Variants in LAMC1 observed in about 807,000 individuals in gnomAD.
LAMC1 encodes the protein laminin subunit gamma 1.
A neutral mutation model predicts 173.6 loss-of-function variants in LAMC1; 38 were observed. That is an observed-to-expected ratio of 0.22 (90% CI 0.17 to 0.29). The LOEUF is 0.29. Ranked by LOEUF, LAMC1 falls within the 10% of genes least tolerant of loss-of-function variation. LAMC1 has a pLI of 1.00. For synonymous variants in LAMC1, 746 were observed against 749.1 expected (o/e 1.00, Z 0.07); for missense variants, 1,824 against 2,051.8 (o/e 0.89, Z 2.14).
At chr1:183,051,851 G>A (rs773658419) in intron 1 of LAMC1, among the ~76,000 whole-genome samples, 17 of 152,310 alleles carry the variant, frequency 1.1e-4, no homozygotes, top group Admixed American at 2.0e-4. Flanking sequence ...TCTTGTGTCT[G>A]AGAGAGCAGA....
intron 1 of LAMC1, among the ~76,000 whole-genome samples, chr1:183,060,172 T>G (rs771439144): frequency 1.6e-4 from 25 of 152,200 alleles, no homozygotes; most frequent in Non-Finnish European, 3.2e-4. Flanking sequence ...AGCTAGACTT[T>G]TAAGTCCTTG....
intron 1 of LAMC1, among the ~76,000 whole-genome samples, chr1:183,071,462 G>A (rs543411775): frequency 3.3e-5 from 5 of 152,166 alleles, no homozygotes; most frequent in Non-Finnish European, 5.9e-5. Context: ...TCTACATTCC[G>A]GCCTCATTAT....
At chr1:183,032,925 G>C (rs946253018) in intron 1 of LAMC1, among the ~76,000 whole-genome samples, 4 of 151,358 alleles carry the variant, frequency 2.6e-5, no homozygotes, top group African/African-American at 9.7e-5. Flanking sequence ...TTCTATTCTT[G>C]AGCTGGGTGG....
intron 18 of LAMC1, 147 bp downstream of exon 18, chr1:183,128,897 C>T: frequency 1.8e-6 from 1 of 558,760 alleles, no homozygotes; most frequent in Non-Finnish European, 2.7e-6. Flanking sequence ...TTTTTAAACA[C>T]TAATTCAAAA....
intron 1 of LAMC1, among the ~76,000 whole-genome samples, chr1:183,033,790 C>T (rs1653904367): frequency 6.6e-6 from 1 of 152,104 alleles, no homozygotes; most frequent in African/African-American, 2.4e-5. Flanking sequence ...CTCCCAGGTT[C>T]AAGCGATTCT....
intron 1 of LAMC1, among the ~76,000 whole-genome samples, chr1:183,026,846 A>T (rs900108726): frequency 2.6e-5 from 4 of 152,236 alleles, no homozygotes; most frequent in Non-Finnish European, 5.9e-5. Context: ...GACTTTTTTA[A>T]ATTATGAAAA....
intron 1 of LAMC1, among the ~76,000 whole-genome samples, chr1:183,027,285 C>T (rs200185352): frequency 9.2e-6 from 1 of 109,002 alleles, no homozygotes; most frequent in Non-Finnish European, 2.1e-5. Context: ...TCTCCACCAG[C>T]CACTTTTCTA....
At chr1:183,036,122 A>G (rs1653974486) in intron 1 of LAMC1, among the ~76,000 whole-genome samples, 2 of 142,668 alleles carry the variant, frequency 1.4e-5, no homozygotes, top group South Asian at 4.3e-4. Flanking sequence ...TTTTTAAGAC[A>G]GCGTCTTGCT....
At chr1:183,089,133 C>G (rs1219872893) in intron 1 of LAMC1, among the ~76,000 whole-genome samples, 1 of 152,192 alleles carries the variant, frequency 6.6e-6, no homozygotes, top group East Asian at 1.9e-4. Context: ...TACCAAGTCT[C>G]TGGCATCAGA....
At chr1:183,038,960 A>G (rs1378756737) in intron 1 of LAMC1, among the ~76,000 whole-genome samples, 1 of 152,116 alleles carries the variant, frequency 6.6e-6, no homozygotes, top group African/African-American at 2.4e-5. Flanking sequence ...TTTTAGGGAT[A>G]GGTCCTGGTT....
intron 1 of LAMC1, among the ~76,000 whole-genome samples, chr1:183,061,934 T>C (rs1241081155): frequency 6.6e-6 from 1 of 152,258 alleles, no homozygotes; most frequent in Admixed American, 6.5e-5. Flanking sequence ...CTGTACGTCA[T>C]TGGGACATGG....
intron 1 of LAMC1, among the ~76,000 whole-genome samples, chr1:183,069,012 G>A (rs1654944223): frequency 6.6e-6 from 1 of 151,994 alleles, no homozygotes; most frequent in Non-Finnish European, 1.5e-5. Flanking sequence ...TTGGCACCAG[G>A]GACTTGTTTT....
intron 3 of LAMC1, 80 bp from the exon 4 acceptor site, chr1:183,110,408 T>G (rs1356284126): frequency 7.2e-6 from 8 of 1,107,486 alleles, no homozygotes; most frequent in Non-Finnish European, 1.1e-5. Flanking sequence ...AACTTACTTC[T>G]TTGTGTACAT....
intron 1 of LAMC1, among the ~76,000 whole-genome samples, chr1:183,047,065 C>T (rs954407328): frequency 3.8e-4 from 58 of 152,020 alleles, no homozygotes; most frequent in African/African-American, 1.3e-3. Context: ...GTTTTGGGTA[C>T]AGGTTTCAGT....
chr1:183,026,510 T>A (rs946121626), intron 1 of LAMC1, among the ~76,000 whole-genome samples: 3 of 152,200 alleles, frequency 2.0e-5, no homozygotes, highest in African/African-American at 7.2e-5. Context: ...TTTTGATGTT[T>A]AGCATATTCA....
intron 13 of LAMC1, among the ~76,000 whole-genome samples, chr1:183,122,994 T>G (rs1656520891): frequency 6.6e-6 from 1 of 152,218 alleles, no homozygotes; most frequent in Non-Finnish European, 1.5e-5. Flanking sequence ...CTGATTTGAT[T>G]GTGTCAGCCA....
intron 1 of LAMC1, among the ~76,000 whole-genome samples, chr1:183,029,285 G>C (rs535520118): frequency 6.6e-6 from 1 of 152,198 alleles, no homozygotes; most frequent in South Asian, 2.1e-4. Context: ...CTTTGTCTCT[G>C]CCTTACTGTA....
Position 183,124,872 on chromosome 1 carries a change from C to T in LAMC1, c.2643C>T (p.Cys881=). ...TGGCTCCCAATCCAGCAGACAAATG[C>T]AAAGGTAATCAGCCTTTGATCAGAT... The part of the protein sequence containing the change: ...NPLAPNPADK[C]KACNCNLYGT... The change falls in exon 14 of 28, where the codon TGC becomes TGT. Residue 881 remains cysteine (C), a synonymous_variant. Transcript: ENST00000258341. 2 of 1,613,928 alleles carry T rather than the reference C, an allele frequency of 1.2e-6. No homozygotes were observed. The highest frequency in any genetic ancestry group is 1.1e-5 in the South Asian group (1 of 91,084).
chr1:183,054,285 G>A (rs1037426575), intron 1 of LAMC1, among the ~76,000 whole-genome samples: 2 of 152,150 alleles, frequency 1.3e-5, no homozygotes, highest in Admixed American at 6.5e-5. Flanking sequence ...CCCAGTTTAC[G>A]GAGGAGGAAG....
Sources: gnomAD v4.1 joint callset for allele counts (sites outside exome capture counted in the v4.1 genomes callset) on GRCh38, gnomAD v4.1.1 for gene constraint, MANE v1.5 for transcripts, NCBI Gene and HGNC (gene_info 2026-07-23, HGNC 2026-07-21) for gene names.